Variants in CCDC102B observed in about 807,000 individuals in gnomAD.
CCDC102B encodes the protein coiled-coil domain-containing protein 102B.
CCDC102B carries 75 observed loss-of-function variants against 57.4 expected under a neutral mutation model. The ratio of observed to expected loss-of-function variants is 1.31; its 90% CI spans 1.08 to 1.58. The LOEUF (loss-of-function observed/expected upper bound fraction) is 1.58. CCDC102B is among the 40% of genes most tolerant of loss of function. The pLI is 0.00. For missense variants in CCDC102B, 636 were observed against 582.6 expected (o/e 1.09, Z -0.94); for synonymous variants, 206 against 201.9 (o/e 1.02, Z -0.17).
chr18:68,726,048 A>C (rs1235046814), intron 2 of CCDC102B, among the ~76,000 whole-genome samples: 1 of 152,190 alleles, frequency 6.6e-6, no homozygotes, highest in Non-Finnish European at 1.5e-5. Flanking sequence ...GATAGAATTA[A>C]TTTAGGGGAA....
At chr18:68,888,946 T>G (rs954623409) in intron 5 of CCDC102B, among the ~76,000 whole-genome samples, 2 of 152,134 alleles carry the variant, frequency 1.3e-5, no homozygotes, top group African/African-American at 2.4e-5. Context: ...TGTAAATTTA[T>G]TATAATTGGT....
chr18:68,888,088 A>G (rs955815328), intron 5 of CCDC102B, among the ~76,000 whole-genome samples: 2 of 152,220 alleles, frequency 1.3e-5, no homozygotes, highest in Admixed American at 6.5e-5. Flanking sequence ...CAGTAACCTT[A>G]AAAGATAAAA....
At chr18:68,811,566 G>A (rs1210914117) in intron 1 of CCDC102B, among the ~76,000 whole-genome samples, 3 of 152,138 alleles carry the variant, frequency 2.0e-5, no homozygotes, top group African/African-American at 7.2e-5. Flanking sequence ...AGTGAGCCAA[G>A]TTCTTGTCAC....
At chr18:68,773,183 G>A (rs1335719473) in intron 2 of CCDC102B, among the ~76,000 whole-genome samples, 1 of 151,834 alleles carries the variant, frequency 6.6e-6, no homozygotes, top group Non-Finnish European at 1.5e-5. Flanking sequence ...AAAAAAAAAT[G>A]CCAAGTCAAA....
rs1364302214 is a variant in CCDC102B, at chr18:68,946,685, G to A, written c.1263+49257G>A. On this transcript the variant is annotated intron_variant, in intron 6 of 7. Transcript: ENST00000360242. ...AAATTATGTTTTGGGTATCATGGTGGTAAGATGTTTCCATCTGGGGAATTG... is the reference window on the plus strand; with the variant it reads ...AAATTATGTTTTGGGTATCATGGTGATAAGATGTTTCCATCTGGGGAATTG... Among the ~76,000 whole-genome samples the A allele has an allele frequency of 3.3e-5, 5 of 151,998 alleles. No homozygotes were observed. In the South Asian group the frequency reaches 8.3e-4, roughly 25 times the overall value.
intron 4 of CCDC102B, among the ~76,000 whole-genome samples, chr18:68,853,702 A>AAAAAAAAC (rs2038248352): frequency 2.1e-5 from 3 of 145,044 alleles, no homozygotes; most frequent in Non-Finnish European, 1.5e-5. Context: ...AAAAAAAAAA[A>AAAAAAAAC]TCTGACTCAA....
At chr18:68,902,861 G>A (rs747045077) in intron 6 of CCDC102B, among the ~76,000 whole-genome samples, 9 of 152,118 alleles carry the variant, frequency 5.9e-5, no homozygotes, top group Non-Finnish European at 7.4e-5. Context: ...CATTTGATTA[G>A]TATCTCTATT....
intron 1 of CCDC102B, among the ~76,000 whole-genome samples, chr18:68,812,990 G>A (rs900351280): frequency 6.6e-6 from 1 of 151,976 alleles, no homozygotes; most frequent in Non-Finnish European, 1.5e-5. Flanking sequence ...AGAAGGGGAA[G>A]GGAGGTGATA....
At chr18:68,735,028 C>T (rs1013693364) in intron 2 of CCDC102B, among the ~76,000 whole-genome samples, 1 of 152,008 alleles carries the variant, frequency 6.6e-6, no homozygotes, top group Non-Finnish European at 1.5e-5. Context: ...GCTGAAATAC[C>T]TTTTTATTAT....
intron 6 of CCDC102B, among the ~76,000 whole-genome samples, chr18:69,003,229 G>T (rs2051253563): frequency 6.6e-6 from 1 of 152,028 alleles, no homozygotes. Context: ...AATAAATTAG[G>T]ATTTTTTCAA....
intron 7 of CCDC102B, among the ~76,000 whole-genome samples, chr18:69,025,491 G>A (rs1386721080): frequency 6.6e-6 from 1 of 152,144 alleles, no homozygotes; most frequent in Admixed American, 6.5e-5. Flanking sequence ...ACTACTGCAT[G>A]TGCGTGTAAG....
intron 7 of CCDC102B, among the ~76,000 whole-genome samples, chr18:69,032,869 C>T (rs1415223371): frequency 6.6e-6 from 1 of 151,744 alleles, no homozygotes; most frequent in African/African-American, 2.4e-5. Flanking sequence ...GTGAAGCTGG[C>T]TTAATTTATT....
At chr18:68,741,440 T>C (rs1007957228) in intron 2 of CCDC102B, among the ~76,000 whole-genome samples, 2 of 152,100 alleles carry the variant, frequency 1.3e-5, no homozygotes, top group Non-Finnish European at 2.9e-5. Context: ...TCAATCTCAG[T>C]GCAATTCTGG....
intron 1 of CCDC102B, among the ~76,000 whole-genome samples, chr18:68,813,793 T>C (rs1175542484): frequency 6.7e-6 from 1 of 150,266 alleles, no homozygotes; most frequent in Non-Finnish European, 1.5e-5. Flanking sequence ...TATATATATA[T>C]CTTTAGTTTT....
At chr18:69,005,425 C>T (rs1027476700) in intron 6 of CCDC102B, among the ~76,000 whole-genome samples, 1 of 151,980 alleles carries the variant, frequency 6.6e-6, no homozygotes, top group Non-Finnish European at 1.5e-5. Flanking sequence ...AATTTATAAA[C>T]TTCTATGTAT....
At chr18:68,720,648 C>T (rs971207122) in intron 2 of CCDC102B, among the ~76,000 whole-genome samples, 4 of 152,208 alleles carry the variant, frequency 2.6e-5, no homozygotes, top group Admixed American at 2.6e-4. Context: ...ATCCTTATTT[C>T]AACACTGTTA....
Position 68,838,781 on chromosome 18 carries a change from A to G in CCDC102B, c.682A>G (p.Asn228Asp), listed in dbSNP as rs1225360221. The G allele has an allele frequency of 6.2e-7, 1 of 1,614,038 alleles. No individual in the cohort carries two copies. Among genetic ancestry groups the G allele is most frequent in the Admixed American group, 1.7e-5 (1 of 60,016 alleles). The change falls in exon 3 of 8, where the codon AAC (asparagine) becomes GAC (aspartate). Residue 228 changes from asparagine to aspartate, a missense_variant. By Grantham distance (23) the Asn-to-Asp change is conservative. Transcript: ENST00000360242. ...CAATCTAGATGGTGTTGATTTATTC[A>G]ACAATGGTGGTTCTGGAAACGGTGA... ...KPNLDGVDLFNNGGSGNGETK... is the reference protein window; with the variant it reads ...KPNLDGVDLFDNGGSGNGETK...
intron 1 of CCDC102B, among the ~76,000 whole-genome samples, chr18:68,818,582 G>A (rs1025314007): frequency 6.6e-6 from 1 of 152,070 alleles, no homozygotes; most frequent in South Asian, 2.1e-4. Flanking sequence ...CTGAGTTGTC[G>A]TGAGTAGCTT....
chr18:68,996,433 G>T (rs72950450), intron 6 of CCDC102B, among the ~76,000 whole-genome samples: 1 of 152,094 alleles, frequency 6.6e-6, no homozygotes, highest in East Asian at 1.9e-4. Flanking sequence ...CTGGCTTTTC[G>T]GTTGACAGAC....
Sources: gnomAD v4.1 joint callset for allele counts (sites outside exome capture counted in the v4.1 genomes callset) on GRCh38, gnomAD v4.1.1 for gene constraint, MANE v1.5 for transcripts, NCBI Gene and HGNC (gene_info 2026-07-23, HGNC 2026-07-21) for gene names.